Variants in UXS1 observed in about 807,000 individuals in gnomAD.
The protein encoded by UXS1 is UDP-glucuronate decarboxylase 1.
In UXS1, 33 loss-of-function variants were observed where a neutral mutation model predicts 62.6. The ratio of observed to expected loss-of-function variants is 0.53; its 90% confidence interval spans 0.40 to 0.70. The LOEUF (loss-of-function observed/expected upper bound fraction) is 0.70, where lower values mean the gene tolerates loss of function less well. Among genes scored for constraint, UXS1 ranks in the 30% least tolerant of loss-of-function variants. The probability of loss-of-function intolerance (pLI) is 0.00; values close to 1 mark genes in which losing one functional copy is unlikely to be tolerated. For missense variants in UXS1, 434 were observed against 556.3 expected (o/e 0.78, Z 2.21); for synonymous variants, 213 against 206.8 (o/e 1.03, Z -0.26).
At chr2:106,148,232 C>T (rs750635026) in intron 5 of UXS1, among the ~76,000 whole-genome samples, 4 of 152,160 alleles carry the variant, frequency 2.6e-5, no homozygotes, top group Non-Finnish European at 4.4e-5. Flanking sequence ...CTATGAAAAA[C>T]GATTTTCCAG....
intron 13 of UXS1, 132 bp from the exon 14 acceptor site, chr2:106,096,953 T>C: frequency 1.1e-6 from 1 of 909,510 alleles, no homozygotes; most frequent in Non-Finnish European, 1.7e-6. Flanking sequence ...TGCAGTTCTC[T>C]GAGAAGCCCC....
At chr2:106,108,156 T>C (rs143427774) in intron 10 of UXS1, among the ~76,000 whole-genome samples, 118 of 152,346 alleles carry the variant, frequency 7.7e-4, no homozygotes, top group Middle Eastern at 3.4e-3. Flanking sequence ...CTATAGCATA[T>C]CACATCCATC....
At chr2:106,143,006 G>A (rs941880840) in intron 6 of UXS1, among the ~76,000 whole-genome samples, 3 of 151,762 alleles carry the variant, frequency 2.0e-5, no homozygotes, top group African/African-American at 4.8e-5. Context: ...ATCAAAGCTC[G>A]CAGTTAAAGA....
At chr2:106,162,542 GA>G (rs935552950) in intron 4 of UXS1, among the ~76,000 whole-genome samples, 4 of 151,128 alleles carry the variant, frequency 2.6e-5, no homozygotes, top group South Asian at 2.1e-4. Context: ...TTTCTAAAAA[GA>G]AAAAAAAAGC....
At chr2:106,110,712 C>T (rs985011262) in intron 10 of UXS1, among the ~76,000 whole-genome samples, 1 of 152,200 alleles carries the variant, frequency 6.6e-6, no homozygotes, top group South Asian at 2.1e-4. Context: ...CCTGCGCCCA[C>T]GTACCTGGTG....
intron 5 of UXS1, among the ~76,000 whole-genome samples, chr2:106,156,033 G>GA (rs978484804): frequency 2.6e-5 from 4 of 151,618 alleles, no homozygotes; most frequent in African/African-American, 9.7e-5. Flanking sequence ...AGCAGCAAGA[G>GA]AAAAAAACAG....
intron 6 of UXS1, 76 bp from the exon 7 acceptor site, chr2:106,129,854 T>A (rs1370833306): frequency 2.4e-6 from 2 of 824,188 alleles, no homozygotes; most frequent in African/African-American, 3.5e-5. Context: ...ATATATACTG[T>A]ATAATAAACG....
intron 7 of UXS1, among the ~76,000 whole-genome samples, chr2:106,127,282 A>G (rs55759230): frequency 4.7e-4 from 71 of 152,334 alleles, no homozygotes; most frequent in African/African-American, 1.7e-3. Context: ...TGAGTCTTAC[A>G]GTAGATGCAT....
intron 10 of UXS1, among the ~76,000 whole-genome samples, chr2:106,108,611 GGA>G (rs921642806): frequency 1.3e-5 from 2 of 152,196 alleles, no homozygotes; most frequent in Non-Finnish European, 2.9e-5. Flanking sequence ...TCACAGAACA[GGA>G]GAGATGCCAG....
intron 9 of UXS1, among the ~76,000 whole-genome samples, chr2:106,118,857 T>TA: frequency 6.6e-6 from 1 of 152,342 alleles, no homozygotes; most frequent in Admixed American, 6.5e-5. Flanking sequence ...CATATCCACA[T>TA]ACTATATAGG....
chr2:106,100,893 CTTACTT>C (rs1251809282), intron 12 of UXS1, 159 bp downstream of exon 12: 9 of 860,482 alleles, frequency 1.0e-5, no homozygotes, highest in Non-Finnish European at 1.7e-5. Flanking sequence ...TTTGTATACT[CTTACTT>C]TGTGTTTGTT....
chr2:106,101,211 AC>A (rs1429899340), intron 11 of UXS1, 93 bp from the exon 12 acceptor site: 4 of 1,334,718 alleles, frequency 3.0e-6, no homozygotes, highest in Non-Finnish European at 2.0e-6. Context: ...AAAAATTACC[AC>A]CCCCAGGAGA....
intron 9 of UXS1, among the ~76,000 whole-genome samples, chr2:106,116,426 T>C (rs942211434): frequency 6.6e-6 from 1 of 152,276 alleles, no homozygotes; most frequent in Non-Finnish European, 1.5e-5. Context: ...GAGATGGCCA[T>C]CTTGACAGAC....
At chr2:106,193,784 G>A (rs1208154317) in intron 1 of UXS1, among the ~76,000 whole-genome samples, 1 of 152,056 alleles carries the variant, frequency 6.6e-6, no homozygotes, top group African/African-American at 2.4e-5. Flanking sequence ...ATCCCCACGC[G>A]GCACGCTCCG....
At chr2:106,119,598 T>A (rs1400157276) in intron 9 of UXS1, among the ~76,000 whole-genome samples, 1 of 152,090 alleles carries the variant, frequency 6.6e-6, no homozygotes, top group Non-Finnish European at 1.5e-5. Context: ...CAGTGACACA[T>A]CCAGAAAGGC....
intron 9 of UXS1, among the ~76,000 whole-genome samples, chr2:106,118,969 C>T (rs1281952445): frequency 1.3e-5 from 2 of 152,174 alleles, no homozygotes; most frequent in Non-Finnish European, 2.9e-5. Flanking sequence ...ATATGCCAGA[C>T]GTACTATTCC....
At chr2:106,187,038 T>C (rs771245167) in intron 1 of UXS1, among the ~76,000 whole-genome samples, 3 of 151,820 alleles carry the variant, frequency 2.0e-5, no homozygotes, top group Non-Finnish European at 2.9e-5. Flanking sequence ...CTTTCAAATA[T>C]TTCAACAAAA....
chr2:106,146,580 A>G (rs1170991793), intron 5 of UXS1, among the ~76,000 whole-genome samples: 3 of 151,944 alleles, frequency 2.0e-5, no homozygotes, highest in African/African-American at 7.3e-5. Flanking sequence ...GGAGTTCAAG[A>G]CCAGTCGGGC....
rs533833026 is a variant in UXS1 at position 106,178,538 on chromosome 2, CTG to C, written c.95-12457_95-12456del. ...TACAAGTCTATGTATATGTATGTGT[CTG>C]TAAATATATACAAGTGGGTGTGTGT... On this transcript the variant is annotated intron_variant, in intron 1 of 14. Transcript: ENST00000283148. 7.9e-5 allele frequency among the ~76,000 whole-genome samples: 12 copies of C among 151,498 alleles called. No homozygotes were observed. In the South Asian group the frequency reaches 1.7e-3, roughly 21 times the overall value.
Sources: allele counts gnomAD v4.1 joint callset (sites outside exome capture counted in the v4.1 genomes callset), GRCh38; gene constraint gnomAD v4.1.1; transcripts MANE v1.5; gene names NCBI Gene and HGNC (gene_info 2026-07-23, HGNC 2026-07-21).